DCDC2C: variants seen among roughly 807,000 people sequenced by gnomAD.
DCDC2C encodes the protein doublecortin domain-containing protein 2C.
In DCDC2C, 44 loss-of-function variants were observed where a neutral mutation model predicts 45.0. The observed-to-expected ratio is 0.98, with a 90% CI of 0.77 to 1.26. The LOEUF (loss-of-function observed/expected upper bound fraction) is 1.26, where lower values mean the gene tolerates loss of function less well. Among genes scored for constraint, DCDC2C ranks in the 50% most tolerant of loss-of-function variants. DCDC2C has a pLI of 0.00. For synonymous variants in DCDC2C, 187 were observed against 178.8 expected (o/e 1.05, Z -0.37); for missense variants, 447 against 468.9 (o/e 0.95, Z 0.43).
At chr2:3,839,389 C>T (rs147274119) in intron 10 of DCDC2C, among the ~76,000 whole-genome samples, 60 of 152,272 alleles carry the variant, frequency 3.9e-4, no homozygotes, top group African/African-American at 1.4e-3. Context: ...GGGCTTCTGG[C>T]AGCTACAAAA....
Position 3,767,801 on chromosome 2 carries a change from T to C in DCDC2C, c.774T>C (p.Pro258=), listed in dbSNP as rs1433313014. The C allele has an allele frequency of 6.5e-7, 1 of 1,550,010 alleles. No individual in the cohort carries two copies. Among genetic ancestry groups the C allele is most frequent in the Non-Finnish European group, 8.7e-7 (1 of 1,146,822 alleles). ...CTTGTAAATATGATGGCATACCCCC[T>C]AAAACACAGGATTCTGTTTATTATG... The part of the protein sequence containing the change: ...KEPCKYDGIP[P]KTQDSVYYAK... The change falls in exon 7 of 11, where the codon CCT becomes CCC. Residue 258 remains proline, a synonymous_variant. Transcript: ENST00000399143.
At chr2:3,823,845 T>C (rs1284607937) in intron 10 of DCDC2C, among the ~76,000 whole-genome samples, 2 of 152,250 alleles carry the variant, frequency 1.3e-5, no homozygotes, top group Admixed American at 1.3e-4. Flanking sequence ...CTGCAGTTAC[T>C]GCATGGTGTT....
At chr2:3,741,614 A>G (rs548074121) in intron 3 of DCDC2C, among the ~76,000 whole-genome samples, 2 of 152,102 alleles carry the variant, frequency 1.3e-5, no homozygotes, top group Non-Finnish European at 2.9e-5. Flanking sequence ...CGCAACCACT[A>G]TTAACCCTAA....
chr2:3,780,309 C>A (rs1670475585), intron 9 of DCDC2C, among the ~76,000 whole-genome samples: 1 of 152,114 alleles, frequency 6.6e-6, no homozygotes, highest in African/African-American at 2.4e-5. Flanking sequence ...ATGATCCAGG[C>A]CTTCTGACTG....
intron 6 of DCDC2C, among the ~76,000 whole-genome samples, chr2:3,757,778 A>ATC (rs1213580391): frequency 6.6e-6 from 1 of 152,122 alleles, no homozygotes; most frequent in Non-Finnish European, 1.5e-5. Context: ...CAGTAATTAA[A>ATC]TCACCCCAGA....
At chr2:3,725,176 A>G (rs113186387) in intron 2 of DCDC2C, among the ~76,000 whole-genome samples, 3,487 of 152,146 alleles carry the variant, frequency 0.023, 149 homozygotes, top group African/African-American at 0.079. Flanking sequence ...AAGGACACCA[A>G]ATGAATTTGG....
intron 3 of DCDC2C, among the ~76,000 whole-genome samples, chr2:3,733,075 G>A (rs578187743): frequency 3.9e-5 from 6 of 152,340 alleles, no homozygotes; most frequent in Admixed American, 1.3e-4. Context: ...AACTGATGTC[G>A]TGGAGGCATT....
intron 2 of DCDC2C, among the ~76,000 whole-genome samples, chr2:3,718,188 G>A (rs1337849205): frequency 6.6e-6 from 1 of 152,212 alleles, no homozygotes; most frequent in Non-Finnish European, 1.5e-5. Context: ...AATGAATGAA[G>A]CAGTGATTGA....
chr2:3,844,080 CAT>C (rs886568700), intron 10 of DCDC2C: 42 of 152,084 alleles, frequency 2.8e-4, no homozygotes, highest in African/African-American at 9.9e-4. Flanking sequence ...GAAAAAGAAT[CAT>C]ATGACATTCT....
At chr2:3,794,033 G>T (rs111631419) in intron 10 of DCDC2C, among the ~76,000 whole-genome samples, 167 of 152,332 alleles carry the variant, frequency 1.1e-3, no homozygotes, top group African/African-American at 3.6e-3. Context: ...TTAAAGGTTA[G>T]TTACAATGTG....
chr2:3,841,919 T>C (rs1217068220), intron 10 of DCDC2C, among the ~76,000 whole-genome samples: 1 of 152,120 alleles, frequency 6.6e-6, no homozygotes, highest in Admixed American at 6.5e-5. Flanking sequence ...TATGTGTCCA[T>C]TTTTTCCATT....
chr2:3,720,962 T>A (rs1297519233), intron 2 of DCDC2C, among the ~76,000 whole-genome samples: 1 of 152,206 alleles, frequency 6.6e-6, no homozygotes, highest in Non-Finnish European at 1.5e-5. Context: ...CTTCAGGTTA[T>A]TTCTTCTTGA....
intron 3 of DCDC2C, among the ~76,000 whole-genome samples, chr2:3,732,616 AG>A (rs1438888189): frequency 1.3e-5 from 2 of 152,130 alleles, no homozygotes; most frequent in Non-Finnish European, 2.9e-5. Flanking sequence ...AAGGAGTTTG[AG>A]GGGAAAGGTG....
chr2:3,732,797 T>C, intron 3 of DCDC2C, among the ~76,000 whole-genome samples: 1 of 152,008 alleles, frequency 6.6e-6, no homozygotes, highest in Non-Finnish European at 1.5e-5. Context: ...GAGGATGGGG[T>C]GAGGATCTGG....
chr2:3,727,105 A>G, intron 3 of DCDC2C, 26 bp downstream of exon 3: 2 of 1,523,604 alleles, frequency 1.3e-6, no homozygotes, highest in Non-Finnish European at 1.8e-6. Context: ...TGGGTGAAAA[A>G]ATCAAACTGT....
intron 5 of DCDC2C, 87 bp from the exon 6 acceptor site, chr2:3,754,505 C>A: frequency 7.3e-7 from 1 of 1,372,822 alleles, no homozygotes; most frequent in Non-Finnish European, 1.0e-6. Context: ...TCACTTCCCT[C>A]CTAAAGACAA....
chr2:3,712,541 CG>C (rs1055195246), intron 2 of DCDC2C, among the ~76,000 whole-genome samples: 4 of 151,314 alleles, frequency 2.6e-5, no homozygotes, highest in African/African-American at 9.7e-5. Flanking sequence ...GAAGCTGAGG[CG>C]GGAGGATCAC....
At chr2:3,798,172 A>C (rs1671013459) in intron 10 of DCDC2C, among the ~76,000 whole-genome samples, 1 of 151,762 alleles carries the variant, frequency 6.6e-6, no homozygotes, top group Admixed American at 6.6e-5. Flanking sequence ...AGTCTGTTTT[A>C]TCAGAGACTA....
intron 9 of DCDC2C, among the ~76,000 whole-genome samples, chr2:3,779,898 A>T (rs1670464891): frequency 6.6e-6 from 1 of 152,154 alleles, no homozygotes; most frequent in Non-Finnish European, 1.5e-5. Context: ...CCGGCGCCTG[A>T]CACAACTTGG....
Sources: allele counts gnomAD v4.1 joint callset (sites outside exome capture counted in the v4.1 genomes callset), GRCh38; gene constraint gnomAD v4.1.1; transcripts MANE v1.5; gene names NCBI Gene and HGNC (gene_info 2026-07-23, HGNC 2026-07-21).